DNAH2: variants seen among roughly 807,000 people sequenced by gnomAD.
DNAH2 encodes the protein axonemal beta dynein heavy chain 2.
Under a neutral mutation model 523.5 loss-of-function variants are expected in DNAH2, and 323 were observed. The observed-to-expected ratio is 0.62, with a 90% CI of 0.56 to 0.68. The LOEUF is 0.68. DNAH2 is among the 30% of genes least tolerant of loss of function. The probability of loss-of-function intolerance (pLI) is 0.00; values close to 1 mark genes in which losing one functional copy is unlikely to be tolerated. For missense variants in DNAH2, 4,907 were observed against 5,701.5 expected (o/e 0.86, Z 4.49); for synonymous variants, 2,093 against 2,177.4 (o/e 0.96, Z 1.08).
At chr17:7,739,637 C>A in intron 8 of DNAH2, 96 bp from the exon 9 acceptor site, 6 of 1,060,000 alleles carry the variant, frequency 5.7e-6, no homozygotes, top group South Asian at 1.4e-5. Flanking sequence ...CCATCACTCA[C>A]AGTGATGTTT....
At position 7,804,388 on chromosome 17, in the gene DNAH2, G is replaced by A. The variant is rs141065292; in HGVS notation, c.9105G>A (p.Val3035=). 1.2e-6 allele frequency: 2 copies of A among 1,614,056 alleles called. No individual in the cohort carries two copies. The highest frequency in any genetic ancestry group is 1.7e-6 in the Non-Finnish European group (2 of 1,180,046). Residue 3035 remains valine, a synonymous_variant, in exon 59 of 86, where the codon GTG becomes GTA. Coordinates refer to ENST00000572933, the MANE Select transcript of DNAH2 (RefSeq NM_020877.5). ...AGCTGGAGGATGCCAAGAAGAAGGTGGCTGAGTTCCAGAAGCAGTGTGAGG... is the reference window on the plus strand; with the variant it reads ...AGCTGGAGGATGCCAAGAAGAAGGTAGCTGAGTTCCAGAAGCAGTGTGAGG... ...SLELEDAKKK[V]AEFQKQCEEY...
At chr17:7,801,431 A>G (rs576555368) in intron 56 of DNAH2, 147 bp from the exon 57 acceptor site, 2 of 1,141,482 alleles carry the variant, frequency 1.8e-6, no homozygotes, top group African/African-American at 1.5e-5. Flanking sequence ...CTAGCTCTGC[A>G]GGAACAGAAT....
At chr17:7,811,370 A>G (rs939823581) in intron 63 of DNAH2, among the ~76,000 whole-genome samples, 2 of 152,200 alleles carry the variant, frequency 1.3e-5, no homozygotes, top group African/African-American at 2.4e-5. Context: ...TTCGACATCA[A>G]CTAATCTTGC....
rs747682550 is a variant in DNAH2, at chr17:7,805,054, G to A, written c.9280G>A (p.Ala3094Thr). The A allele has an allele frequency of 3.0e-5, 49 of 1,613,908 alleles. No individual in the cohort carries two copies. Among genetic ancestry groups the A allele is most frequent in the African/African-American group, 1.9e-4 (14 of 74,894 alleles). Residue 3094 changes from alanine to threonine, a missense_variant, in exon 60 of 86, where the codon GCC (alanine) becomes ACC (threonine). Around this residue, in one of 3 missense-constraint regions of DNAH2, gnomAD observed 1,851 missense variants for 2,139.4 expected, o/e 0.87. Transcript: ENST00000572933. ...AQKDLEEALP[A>T]LEEAMRALES... Reference sequence around the variant, plus strand: ...GAAAGATCTAGAAGAGGCACTGCCCGCCCTGGAAGAGGCCATGCGGGTACC... The same window carrying A: ...GAAAGATCTAGAAGAGGCACTGCCCACCCTGGAAGAGGCCATGCGGGTACC...
In DNAH2 at chr17:7,831,050, C is replaced by T. The variant is rs1481681604; in HGVS notation, c.12231-36C>T. Reference sequence around the variant, plus strand: ...TGGCCTGGCATTGAGGGCTGAGTCCCCACAATGTGGCAGTAATTATGCTAT... The same window carrying T: ...TGGCCTGGCATTGAGGGCTGAGTCCTCACAATGTGGCAGTAATTATGCTAT... On this transcript the variant is annotated intron_variant, in intron 79 of 85. Coordinates refer to ENST00000572933, the MANE Select transcript of DNAH2 (RefSeq NM_020877.5). This position sits in a 1 kb window ranked among gnomAD's most constrained non-coding sequence, Gnocchi z 4.2. The T allele has an allele frequency of 1.9e-6, 3 of 1,599,370 alleles. No homozygotes were observed. The highest frequency in any genetic ancestry group is 2.6e-6 in the Non-Finnish European group (3 of 1,172,696).
intron 23 of DNAH2, 50 bp from the exon 24 acceptor site, chr17:7,768,114 T>C: frequency 1.2e-6 from 2 of 1,614,186 alleles, no homozygotes; most frequent in Non-Finnish European, 1.7e-6. Flanking sequence ...GATCTGGGTC[T>C]GTTCCCAGGG....
In DNAH2 at chr17:7,826,626, G is replaced by A. The variant is rs559875114; in HGVS notation, c.11853+1899G>A. Among the ~76,000 whole-genome samples the A allele has an allele frequency of 7.1e-4, 96 of 134,830 alleles. 1 individual carries two copies. The highest frequency in any genetic ancestry group is 2.5e-3 in the African/African-American group (90 of 35,866). 88.5% of individuals were successfully genotyped at this position (134,830 alleles called of 152,430 possible). A position where few individuals can be genotyped will look rare whatever the true frequency, so the allele number is the denominator to read the frequency against. On this transcript the variant is annotated intron_variant, in intron 77 of 85. Coordinates refer to ENST00000572933, the MANE Select transcript of DNAH2 (RefSeq NM_020877.5). ...GCCATCTCGGCTCACTGAAACATCC[G>A]CCTCCCAGATTCAAGCGATTCTCCT...
In DNAH2 at chr17:7,832,781, G is replaced by C. The variant is rs1402392626; in HGVS notation, c.12903+26G>C. ...GTGAGCAATGTGCAAAGTGTGAGGGGGGGATGTATGCTGGGGCCATGTATG... is the reference window on the plus strand; with the variant it reads ...GTGAGCAATGTGCAAAGTGTGAGGGCGGGATGTATGCTGGGGCCATGTATG... On this transcript the variant is annotated intron_variant, in intron 83 of 85. Coordinates refer to ENST00000572933, the MANE Select transcript of DNAH2 (RefSeq NM_020877.5). The surrounding 1 kb of genome is among the most constrained non-coding windows in gnomAD (Gnocchi z 4.3). 6.2e-7 allele frequency: 1 copy of C among 1,614,090 alleles called. No individual in the cohort carries two copies. The highest frequency in any genetic ancestry group is 1.1e-5 in the South Asian group (1 of 91,080).
chr17:7,745,715 AG>A (rs2075496961), intron 12 of DNAH2, among the ~76,000 whole-genome samples: 1 of 151,234 alleles, frequency 6.6e-6, no homozygotes, highest in African/African-American at 2.4e-5. Context: ...GCTTGAGCCC[AG>A]GATATTGAGG....
chr17:7,775,398 C>A, intron 30 of DNAH2, 56 bp downstream of exon 30: 1 of 1,538,126 alleles, frequency 6.5e-7, no homozygotes, highest in South Asian at 1.2e-5. Context: ...ACAGAAAGTT[C>A]ACCTGGGTCG....
In DNAH2 at chr17:7,833,562, G is replaced by C. The variant is rs1219664800; in HGVS notation, c.*29G>C. 14 of 1,610,476 alleles carry C rather than the reference G, an allele frequency of 8.7e-6. No individual in the cohort carries two copies. The highest frequency in any genetic ancestry group is 1.1e-5 in the Non-Finnish European group (13 of 1,179,734). On this transcript the variant is annotated 3_prime_UTR_variant, in exon 86 of 86. Transcript: ENST00000572933. Reference sequence around the variant, plus strand: ...CTCCTCCTCTTCTCCGCTTGAGAGAGAGGGTCAGGGACTCCAGGAGCTAAG... The same window carrying C: ...CTCCTCCTCTTCTCCGCTTGAGAGACAGGGTCAGGGACTCCAGGAGCTAAG...
chr17:7,766,037 A>T (rs889025600), intron 21 of DNAH2, among the ~76,000 whole-genome samples: 1 of 152,080 alleles, frequency 6.6e-6, no homozygotes. Flanking sequence ...TCGGCCTCCC[A>T]AAGTACTGGA....
At position 7,740,477 on chromosome 17, in the gene DNAH2, C is replaced by T. The variant is rs767765844; in HGVS notation, c.1434C>T (p.Ala478=). Residue 478 remains alanine, a synonymous_variant, in exon 10 of 86, where the codon GCC becomes GCT. Transcript: ENST00000572933. ...EVMTQNLITS[A]FELVRDVPHG... ...TGACCCAGAACCTGATCACCTCAGC[C>T]TTCGAGTTGGTGCGGGACGTGCCGC... 1 of 1,614,198 alleles carries T rather than the reference C, an allele frequency of 6.2e-7. No individual in the cohort carries two copies. The highest frequency in any genetic ancestry group is 2.2e-5 in the East Asian group (1 of 44,866).
Position 7,797,812 on chromosome 17 carries a change from G to A in DNAH2, c.8213G>A (p.Arg2738Gln), listed in dbSNP as rs761804234. 6.2e-6 allele frequency: 10 copies of A among 1,612,424 alleles called. No individual in the cohort carries two copies. The highest frequency in any genetic ancestry group is 3.3e-5 in the Admixed American group (2 of 59,894). Residue 2738 changes from arginine (R) to glutamine (Q), a missense_variant, in exon 53 of 86, where the codon CGA becomes CAA. Transcript: ENST00000572933. ...GTGCCCATGCAGCTAGTGCTCTTCC[G>A]AGAGGCTATTGAACACAGTGAGCAC... ...SVVPMQLVLF[R>Q]EAIEHITRIV...
chr17:7,805,151 C>G lies in DNAH2; in HGVS notation c.9300+77C>G. On this transcript the variant is annotated intron_variant, in intron 60 of 85. Transcript: ENST00000572933. ...AGGGAATGGGCCAGTCTTCTTTGTC[C>G]TCAAAGACTCTGGGGAAGTGGGAAG... 1.9e-6 allele frequency: 3 copies of G among 1,593,904 alleles called. No individual in the cohort carries two copies. In the South Asian group the frequency reaches 3.3e-5, roughly 18 times the overall value.
At chr17:7,779,148 C>T in intron 35 of DNAH2, 95 bp from the exon 36 acceptor site, 2 of 1,458,804 alleles carry the variant, frequency 1.4e-6, no homozygotes, top group Non-Finnish European at 1.9e-6. Context: ...GGCCGCCTCG[C>T]CTATTGAAAC....
chr17:7,827,925 TA>T (rs2078065595), intron 77 of DNAH2, among the ~76,000 whole-genome samples: 1 of 147,212 alleles, frequency 6.8e-6, no homozygotes, highest in Non-Finnish European at 1.5e-5. Flanking sequence ...ATCAATACTT[TA>T]GTCTTTGTTT....
Position 7,831,429 on chromosome 17 carries a change from G to A in DNAH2, c.12499G>A (p.Glu4167Lys). 6.2e-7 allele frequency: 1 copy of A among 1,614,146 alleles called. No individual in the cohort carries two copies. Among genetic ancestry groups the A allele is most frequent in the East Asian group, 2.2e-5 (1 of 44,888 alleles). ...LAADVKQKIP[E>K]MIDYEGTQKL... The stretch of plus-strand genomic sequence containing the variant: ...CGCTGATGTGAAGCAGAAGATCCCT[G>A]AAATGATCGACTATGAGGGGACTCA... Residue 4167 changes from glutamate (E) to lysine (K), a missense_variant, in exon 81 of 86, where the codon GAA becomes AAA. Around this residue, in one of 3 missense-constraint regions of DNAH2, gnomAD observed 1,851 missense variants for 2,139.4 expected, o/e 0.87. Coordinates refer to ENST00000572933, the MANE Select transcript of DNAH2 (RefSeq NM_020877.5). The surrounding 1 kb of genome is among the most constrained non-coding windows in gnomAD (Gnocchi z 4.2).
intron 13 of DNAH2, 74 bp downstream of exon 13, chr17:7,757,311 ATGT>A (rs2075871915): frequency 1.1e-5 from 16 of 1,520,144 alleles, no homozygotes; most frequent in African/African-American, 1.4e-5. Flanking sequence ...CTGCCCTGTA[ATGT>A]TGTTCATTTT....
Sources: allele counts gnomAD v4.1 joint callset (sites outside exome capture counted in the v4.1 genomes callset), GRCh38; gene constraint gnomAD v4.1.1; regional missense constraint gnomAD v4.1.1; non-coding constraint Gnocchi (gnomAD v3.1); transcripts MANE v1.5; gene names NCBI Gene and HGNC (gene_info 2026-07-23, HGNC 2026-07-21).